TTPAL: variants seen among roughly 807,000 people sequenced by gnomAD.
TTPAL encodes the protein alpha tocopherol transfer protein like, also known as alpha-tocopherol transfer protein-like.
In TTPAL, 21 loss-of-function variants were observed where a neutral mutation model predicts 28.7. The ratio of observed to expected loss-of-function variants is 0.73; its 90% CI spans 0.52 to 1.06. The LOEUF is 1.06. Among genes scored for constraint, TTPAL ranks in the 50% least tolerant of loss-of-function variants. TTPAL has a pLI of 0.00. For synonymous variants in TTPAL, 169 were observed against 171.9 expected (o/e 0.98, Z 0.13); for missense variants, 345 against 425.5 (o/e 0.81, Z 1.67).
At chr20:44,485,718 A>G (rs2064145554) in intron 3 of TTPAL, 1 of 152,220 alleles carries the variant, frequency 6.6e-6, no homozygotes, top group Admixed American at 6.5e-5. Flanking sequence ...TGTAGATTCA[A>G]GTGTCAGGAT....
chr20:44,488,581 CGT>C (rs781421129), intron 4 of TTPAL, among the ~76,000 whole-genome samples: 106 of 152,098 alleles, frequency 7.0e-4, no homozygotes, highest in South Asian at 1.0e-3. Context: ...AAAAGTATAG[CGT>C]GTGTGAGGTG....
chr20:44,489,665 A>T lies in TTPAL; in HGVS notation c.*124A>T. 9.1e-7 allele frequency: 1 copy of T among 1,099,358 alleles called. No homozygotes were observed. The highest frequency in any genetic ancestry group is 1.7e-5 in the South Asian group (1 of 60,376). The allele number at this position is 1,099,358 out of a possible 1,614,324, so 68.1% of individuals were successfully genotyped here. ...TAATTAAACTGCAGGATGGAGGAAC[A>T]GCCTGAGATATGAGCATGAGCCCAT... On this transcript the variant is annotated 3_prime_UTR_variant, in exon 5 of 5. Transcript: ENST00000262605.
At chr20:44,478,332 A>C (rs1279667416) in intron 1 of TTPAL, among the ~76,000 whole-genome samples, 1 of 152,192 alleles carries the variant, frequency 6.6e-6, no homozygotes, top group African/African-American at 2.4e-5. Flanking sequence ...CAGTCCCAAC[A>C]AAGGTTTGGC....
intron 4 of TTPAL, among the ~76,000 whole-genome samples, chr20:44,487,532 A>G (rs1232557107): frequency 6.6e-6 from 1 of 152,198 alleles, no homozygotes. Flanking sequence ...CCATTTGCCT[A>G]ATATGTTGTC....
chr20:44,489,237 T>C lies in TTPAL; in HGVS notation c.751-26T>C, dbSNP rs763196511. ...CATTCCTGATTAACCTAAGGACATG[T>C]GTGTTTTCATTTCATTCCCTTTTAG... is the stretch of plus-strand genomic sequence containing the variant. On this transcript the variant is annotated intron_variant, in intron 4 of 4. Transcript: ENST00000262605. 3.7e-6 allele frequency: 6 copies of C among 1,602,400 alleles called. No individual in the cohort carries two copies. In the African/African-American group the frequency reaches 6.7e-5, roughly 18 times the overall value.
chr20:44,479,239 CAAGTAT>C (rs901714317), intron 1 of TTPAL, among the ~76,000 whole-genome samples: 3 of 151,936 alleles, frequency 2.0e-5, no homozygotes, highest in Non-Finnish European at 4.4e-5. Flanking sequence ...CATATATATA[CAAGTAT>C]ATGTCCTAGA....
intron 2 of TTPAL, among the ~76,000 whole-genome samples, chr20:44,483,741 C>T (rs1408875984): frequency 1.3e-5 from 2 of 152,100 alleles, no homozygotes; most frequent in East Asian, 3.9e-4. Flanking sequence ...TAGTAACTTG[C>T]CCAAGGTCAC....
At chr20:44,484,295 T>C in intron 2 of TTPAL, 42 bp from the exon 3 acceptor site, 1 of 1,332,556 alleles carries the variant, frequency 7.5e-7, no homozygotes, top group Non-Finnish European at 1.0e-6. Flanking sequence ...CACTTATTTA[T>C]ATTAACTTCT....
intron 1 of TTPAL, among the ~76,000 whole-genome samples, chr20:44,476,932 A>G (rs563228486): frequency 6.6e-6 from 1 of 152,236 alleles, no homozygotes; most frequent in East Asian, 1.9e-4. Context: ...TTTCTAAAAA[A>G]GAAATAGGAA....
rs1205574321 is a variant in TTPAL, at chr20:44,494,483, G to A, written c.*4942G>A. On this transcript the variant is annotated 3_prime_UTR_variant, in exon 5 of 5. Coordinates refer to ENST00000262605, the MANE Select transcript of TTPAL (RefSeq NM_001039199.3). ...ATACATGGTGGATTCATGTACTTCA[G>A]TGTTTGTTTTGACCAAAGTTTATTT... The A allele has an allele frequency of 6.5e-6, 1 of 152,736 alleles. No homozygotes were observed. The highest frequency in any genetic ancestry group is 1.5e-5 in the Non-Finnish European group (1 of 68,024). 9.5% of individuals were successfully genotyped at this position (152,736 alleles called of 1,614,324 possible).
Position 44,489,725 on chromosome 20 carries a change from A to G in TTPAL, c.*184A>G. 3.3e-6 allele frequency: 2 copies of G among 602,996 alleles called. No homozygotes were observed. The highest frequency in any genetic ancestry group is 2.9e-6 in the Non-Finnish European group (1 of 350,720). 37.4% of individuals were successfully genotyped at this position (602,996 alleles called of 1,614,324 possible). A position where few individuals can be genotyped will look rare whatever the true frequency, so the allele number is the denominator to read the frequency against. ...AGCCTTTGGTTACTTTAATTACTCC[A>G]TGGAAGACATGGAAAATGTCCCCAC... On this transcript the variant is annotated 3_prime_UTR_variant, in exon 5 of 5. Transcript: ENST00000262605.
chr20:44,484,518 T>G lies in TTPAL; in HGVS notation c.627T>G (p.Ile209Met). The G allele has an allele frequency of 1.3e-6, 2 of 1,576,858 alleles. No homozygotes were observed. Among genetic ancestry groups the G allele is most frequent in the Non-Finnish European group, 1.7e-6 (2 of 1,150,092 alleles). ...HFGPFIAKKV[I>M]GILQDGFPIR... ...GCCCTTTTATAGCCAAAAAGGTGAT[T>G]GGCATCCTCCAGGTAAGACCCGTAT... The change falls in exon 3 of 5, where the codon ATT becomes ATG. Residue 209 changes from isoleucine (I) to methionine (M), a missense_variant. Coordinates refer to ENST00000262605, the MANE Select transcript of TTPAL (RefSeq NM_001039199.3).
Position 44,484,346 on chromosome 20 carries a change from T to C in TTPAL, c.455T>C (p.Ile152Thr). 2 of 1,573,654 alleles carry C rather than the reference T, an allele frequency of 1.3e-6. No homozygotes were observed. The highest frequency in any genetic ancestry group is 2.3e-5 in the East Asian group (1 of 44,068). ...HVVCIRPDRW[I>T]PSNYPITENI... ...TCTCTTATGACCTTAGACAGATGGA[T>C]ACCAAGCAACTATCCAATTACTGAA... Residue 152 changes from isoleucine to threonine, a missense_variant, in exon 3 of 5, where the codon ATA (isoleucine) becomes ACA (threonine). Coordinates refer to ENST00000262605, the MANE Select transcript of TTPAL (RefSeq NM_001039199.3).
At chr20:44,481,922 C>T (rs1319398241) in intron 2 of TTPAL, among the ~76,000 whole-genome samples, 1 of 152,206 alleles carries the variant, frequency 6.6e-6, no homozygotes, top group Non-Finnish European at 1.5e-5. Flanking sequence ...CTCCTCTGTA[C>T]TCAACTCATA....
rs934521072 is a variant in TTPAL at position 44,480,775 on chromosome 20, C to T, written c.445+331C>T. On this transcript the variant is annotated intron_variant, in intron 2 of 4. Coordinates refer to ENST00000262605, the MANE Select transcript of TTPAL (RefSeq NM_001039199.3). This position sits in a 1 kb window ranked among gnomAD's most constrained non-coding sequence, Gnocchi z 4.1. The stretch of plus-strand genomic sequence containing the variant: ...ACGGTCTGTGTATCCTTCAGCCACA[C>T]ATTTCTGCCTTTTGCATATCTTCTT... Among the ~76,000 whole-genome samples, 1 of 152,198 alleles carries T rather than the reference C, an allele frequency of 6.6e-6. No individual in the cohort carries two copies. The highest frequency in any genetic ancestry group is 1.5e-5 in the Non-Finnish European group (1 of 68,042).
At chr20:44,484,620 A>C in intron 3 of TTPAL, 90 bp downstream of exon 3, 1 of 948,418 alleles carries the variant, frequency 1.1e-6, no homozygotes, top group Non-Finnish European at 1.6e-6. Context: ...ATGATACACA[A>C]ACTGCACATC....
Position 44,492,224 on chromosome 20 carries a change from G to A in TTPAL, c.*2683G>A, listed in dbSNP as rs2064213346. 1 of 152,394 alleles carries A rather than the reference G, an allele frequency of 6.6e-6. No individual in the cohort carries two copies. Among genetic ancestry groups the A allele is most frequent in the African/African-American group, 2.4e-5 (1 of 41,446 alleles). 9.4% of individuals were successfully genotyped at this position (152,394 alleles called of 1,614,324 possible). A position where few individuals can be genotyped will look rare whatever the true frequency, so the allele number is the denominator to read the frequency against. On this transcript the variant is annotated 3_prime_UTR_variant, in exon 5 of 5. Transcript: ENST00000262605. ...TGTGTCAGGCTGTCTCAGCAGGGTG[G>A]GGAATGACCAGCCAGGGAGCACAGT... is the stretch of plus-strand genomic sequence containing the variant.
chr20:44,490,358 A>G lies in TTPAL; in HGVS notation c.*817A>G, dbSNP rs1456668391. ...TGGCCTGGATCCCAGGTGTACAACT[A>G]TGGACAAGATATGGGCCTCTACTTT... On this transcript the variant is annotated 3_prime_UTR_variant, in exon 5 of 5. Transcript: ENST00000262605. The G allele has an allele frequency of 6.6e-6, 1 of 152,336 alleles. No individual in the cohort carries two copies. Among genetic ancestry groups the G allele is most frequent in the African/African-American group, 2.4e-5 (1 of 41,442 alleles). The allele number at this position is 152,336 out of a possible 1,614,324, so 9.4% of individuals were successfully genotyped here. A position where few individuals can be genotyped will look rare whatever the true frequency, so the allele number is the denominator to read the frequency against.
Position 44,494,280 on chromosome 20 carries a change from G to A in TTPAL, c.*4739G>A, listed in dbSNP as rs1324461614. On this transcript the variant is annotated 3_prime_UTR_variant, in exon 5 of 5. Coordinates refer to ENST00000262605, the MANE Select transcript of TTPAL (RefSeq NM_001039199.3). ...TGTGGATTCTTGTAGCTATGCCTCGGCTTCTTGGCATATCAGGTAGGAACC... is the reference window on the plus strand; with the variant it reads ...TGTGGATTCTTGTAGCTATGCCTCGACTTCTTGGCATATCAGGTAGGAACC... The A allele has an allele frequency of 6.5e-6, 1 of 152,710 alleles. No homozygotes were observed. Among genetic ancestry groups the A allele is most frequent in the Non-Finnish European group, 1.5e-5 (1 of 68,032 alleles). 9.5% of individuals were successfully genotyped at this position (152,710 alleles called of 1,614,324 possible).
Sources: gnomAD v4.1 joint callset for allele counts (sites outside exome capture counted in the v4.1 genomes callset) on GRCh38, gnomAD v4.1.1 for gene constraint, Gnocchi (gnomAD v3.1) non-coding constraint, MANE v1.5 for transcripts, NCBI Gene and HGNC (gene_info 2026-07-23, HGNC 2026-07-21) for gene names.